The following KCND2 variants were observed in gnomAD, a reference collection of about 807,000 sequenced individuals.
The protein encoded by KCND2 is potassium voltage-gated channel subfamily D member 2.
Under a neutral mutation model 54.4 loss-of-function variants are expected in KCND2, and 16 were observed. The ratio of observed to expected loss-of-function variants is 0.29; its 90% CI spans 0.20 to 0.45. KCND2 has a LOEUF of 0.45. Among genes scored for constraint, KCND2 ranks in the 20% least tolerant of loss-of-function variants. The pLI is 1.00. For missense variants in KCND2, 486 were observed against 824.2 expected, an observed-to-expected ratio of 0.59 and a Z score of 5.02; for synonymous variants, 317 against 310.7, an observed-to-expected ratio of 1.02 and a Z score of -0.21.
chr7:120,467,684 T>G (rs985050217), intron 1 of KCND2, among the ~76,000 whole-genome samples: 17 of 152,274 alleles, frequency 1.1e-4, no homozygotes, highest in Non-Finnish European at 1.9e-4. Context: ...GTTCTATTAT[T>G]AGCTATATAA....
At chr7:120,464,740 G>C (rs1007459629) in intron 1 of KCND2, among the ~76,000 whole-genome samples, 7 of 152,148 alleles carry the variant, frequency 4.6e-5, no homozygotes, top group African/African-American at 1.7e-4. Flanking sequence ...TGAGGTCTTT[G>C]TTTCCTTGCT....
At chr7:120,727,823 A>T (rs976039025) in intron 1 of KCND2, among the ~76,000 whole-genome samples, 17 of 152,070 alleles carry the variant, frequency 1.1e-4, no homozygotes, top group Middle Eastern at 3.2e-3. Context: ...AGGAAAACTT[A>T]GAAGCAGGGG....
chr7:120,620,720 A>T (rs907569839), intron 1 of KCND2, among the ~76,000 whole-genome samples: 8 of 152,208 alleles, frequency 5.3e-5, no homozygotes, highest in Admixed American at 4.6e-4. Context: ...AGACCATGGT[A>T]TACAAAGGTC....
At chr7:120,721,162 G>T (rs986611686) in intron 1 of KCND2, among the ~76,000 whole-genome samples, 2 of 152,054 alleles carry the variant, frequency 1.3e-5, no homozygotes, top group African/African-American at 4.8e-5. Flanking sequence ...GGTCATCTTT[G>T]TTTTTGTCGT....
intron 1 of KCND2, among the ~76,000 whole-genome samples, chr7:120,443,524 C>T (rs1584781128): frequency 6.6e-6 from 1 of 152,062 alleles, no homozygotes; most frequent in South Asian, 2.1e-4. Flanking sequence ...GTGATCTCCT[C>T]ATTGCAGGTT....
At chr7:120,372,636 A>G (rs1186937394) in intron 1 of KCND2, among the ~76,000 whole-genome samples, 1 of 151,926 alleles carries the variant, frequency 6.6e-6, no homozygotes, top group Non-Finnish European at 1.5e-5. Flanking sequence ...GTTTTATTAA[A>G]TTGTAGGCCC....
chr7:120,289,451 C>T (rs1799403414), intron 1 of KCND2, among the ~76,000 whole-genome samples: 1 of 151,996 alleles, frequency 6.6e-6, no homozygotes. Flanking sequence ...GAACCAAGAA[C>T]AAACAACAAT....
Position 120,629,600 on chromosome 7 carries a change from A to G in KCND2, c.1116-103303A>G, listed in dbSNP as rs569710211. On this transcript the variant is annotated intron_variant, in intron 1 of 5. Coordinates refer to ENST00000331113, the MANE Select transcript of KCND2 (RefSeq NM_012281.3). ...TGAGGTGGAAATTAACTAATCAGAC[A>G]TATTAGAAATGAATTGCTCTTCCTA... 6.6e-5 allele frequency among the ~76,000 whole-genome samples: 10 copies of G among 152,364 alleles called. No individual in the cohort carries two copies. In the East Asian group the frequency reaches 1.9e-3, roughly 29 times the overall value.
At chr7:120,391,944 G>C (rs1056138071) in intron 1 of KCND2, among the ~76,000 whole-genome samples, 6 of 151,884 alleles carry the variant, frequency 4.0e-5, no homozygotes, top group Non-Finnish European at 8.8e-5. Context: ...GTCAATTTTG[G>C]CTTTTGTTGC....
chr7:120,400,768 T>A (rs547947216), intron 1 of KCND2, among the ~76,000 whole-genome samples: 1 of 152,240 alleles, frequency 6.6e-6, no homozygotes, highest in South Asian at 2.1e-4. Context: ...TCTGTGACTG[T>A]GCATCTAACA....
chr7:120,504,097 T>C (rs1802978906), intron 1 of KCND2, among the ~76,000 whole-genome samples: 1 of 151,988 alleles, frequency 6.6e-6, no homozygotes, highest in Non-Finnish European at 1.5e-5. Context: ...GGGTGTTAAA[T>C]ATAAAAGCTA....
At chr7:120,710,920 A>G (rs971276749) in intron 1 of KCND2, among the ~76,000 whole-genome samples, 4 of 151,966 alleles carry the variant, frequency 2.6e-5, no homozygotes, top group Admixed American at 2.6e-4. Flanking sequence ...CTTTTTTATA[A>G]TTTTCATTAG....
At chr7:120,327,615 AT>A (rs1408905703) in intron 1 of KCND2, among the ~76,000 whole-genome samples, 1 of 152,114 alleles carries the variant, frequency 6.6e-6, no homozygotes, top group African/African-American at 2.4e-5. Context: ...ATAATATGCT[AT>A]TTGACACATT....
At chr7:120,323,130 A>G (rs1384422961) in intron 1 of KCND2, among the ~76,000 whole-genome samples, 1 of 151,796 alleles carries the variant, frequency 6.6e-6, no homozygotes, top group Non-Finnish European at 1.5e-5. Context: ...TATTTGCCCT[A>G]ATACTCTCCC....
chr7:120,547,807 A>G (rs576670661), intron 1 of KCND2, among the ~76,000 whole-genome samples: 22 of 152,140 alleles, frequency 1.4e-4, no homozygotes, highest in Non-Finnish European at 2.2e-4. Flanking sequence ...ATGTGCATTA[A>G]TATTGACTTG....
intron 1 of KCND2, among the ~76,000 whole-genome samples, chr7:120,495,123 G>A (rs1802831482): frequency 6.6e-6 from 1 of 151,924 alleles, no homozygotes; most frequent in Non-Finnish European, 1.5e-5. Context: ...AAGATGTAAG[G>A]TTTTTTTAAT....
intron 1 of KCND2, among the ~76,000 whole-genome samples, chr7:120,573,671 A>C (rs2116430259): frequency 6.6e-6 from 1 of 152,318 alleles, no homozygotes; most frequent in African/African-American, 2.4e-5. Flanking sequence ...GAAGTTGTTT[A>C]GTGCTATCAA....
chr7:120,374,733 C>G (rs1800813359), intron 1 of KCND2, among the ~76,000 whole-genome samples: 1 of 151,866 alleles, frequency 6.6e-6, no homozygotes, highest in African/African-American at 2.4e-5. Flanking sequence ...TTCTAAATTA[C>G]TAAAGCACTT....
At chr7:120,559,805 C>T (rs919592902) in intron 1 of KCND2, among the ~76,000 whole-genome samples, 5 of 152,130 alleles carry the variant, frequency 3.3e-5, no homozygotes, top group Non-Finnish European at 7.3e-5. Flanking sequence ...ATACATAAGT[C>T]TTCTGCATCA....
Sources: allele counts gnomAD v4.1 joint callset (sites outside exome capture counted in the v4.1 genomes callset), GRCh38; gene constraint gnomAD v4.1.1; transcripts MANE v1.5; gene names NCBI Gene and HGNC (gene_info 2026-07-23, HGNC 2026-07-21).